Variants in IGFBP5 observed in about 807,000 individuals in gnomAD.
IGFBP5 encodes the protein insulin-like growth factor-binding protein 5.
A neutral mutation model predicts 28.0 loss-of-function variants in IGFBP5; 12 were observed. The ratio of observed to expected loss-of-function variants is 0.43; its 90% confidence interval spans 0.27 to 0.69. IGFBP5 has a LOEUF of 0.69. IGFBP5 is among the 30% of genes least tolerant of loss of function. The pLI is 0.20. For missense variants in IGFBP5, 344 were observed against 381.6 expected (o/e 0.90, Z 0.82); for synonymous variants, 152 against 150.2 (o/e 1.01, Z -0.09).
Position 216,680,411 on chromosome 2 carries a change from G to A in IGFBP5, c.338-1332C>T, listed in dbSNP as rs534738856. Among the ~76,000 whole-genome samples the A allele has an allele frequency of 4.7e-4, 71 of 152,312 alleles. 1 individual carries two copies. The highest frequency in any genetic ancestry group is 1.5e-3 in the African/African-American group (64 of 41,552). On this transcript the variant is annotated intron_variant, in intron 1 of 3. Coordinates refer to ENST00000233813, the MANE Select transcript of IGFBP5 (RefSeq NM_000599.4). ...TCCAGGAAGTGGGGGTGGGGTGCAAGGAAAGAGAAGCTTTTTTGAGAAGAC... is the reference window on the plus strand; with the variant it reads ...TCCAGGAAGTGGGGGTGGGGTGCAAAGAAAGAGAAGCTTTTTTGAGAAGAC...
Position 216,673,200 on chromosome 2 carries a change from G to A in IGFBP5, c.*3551C>T, listed in dbSNP as rs547887693. 6.5e-6 allele frequency: 1 copy of A among 152,800 alleles called. No individual in the cohort carries two copies. The highest frequency in any genetic ancestry group is 2.1e-4 in the South Asian group (1 of 4,834). 9.5% of individuals were successfully genotyped at this position (152,800 alleles called of 1,614,324 possible). ...TAACCGGTGCGTGGCGGGAGCAGGT[G>A]GTTGAGGCCCACCCTCTAGGGGAGG... On this transcript the variant is annotated 3_prime_UTR_variant, in exon 4 of 4. Transcript: ENST00000233813. This position sits in a 1 kb window ranked among gnomAD's most constrained non-coding sequence, Gnocchi z 4.3.
chr2:216,678,281 C>A, intron 2 of IGFBP5, 50 bp from the exon 3 acceptor site: 1 of 1,459,986 alleles, frequency 6.8e-7, no homozygotes, highest in South Asian at 1.5e-5. Flanking sequence ...GGAAAACCAC[C>A]CAGCTGCGCT....
At position 216,694,489 on chromosome 2, in the gene IGFBP5, C is replaced by T. The variant is rs1322850839; in HGVS notation, c.287G>A (p.Gly96Asp). The stretch of plus-strand genomic sequence containing the variant: ...CTTTTCGTTGAGGCAAACCCCGCGG[C>T]CGTGCAGCAGGGCGTGCAGCGGCTT... ...EEKPLHALLHGRGVCLNEKSY... is the reference protein window; with the variant it reads ...EEKPLHALLHDRGVCLNEKSY... Residue 96 changes from glycine (G) to aspartate (D), a missense_variant, in exon 1 of 4, where the codon GGC (glycine) becomes GAC (aspartate). Physicochemically the swap from Gly to Asp is moderately conservative, Grantham distance 94. Transcript: ENST00000233813. This position sits in a 1 kb window ranked among gnomAD's most constrained non-coding sequence, Gnocchi z 5.2. The T allele has an allele frequency of 7.5e-6, 12 of 1,589,578 alleles. No homozygotes were observed. Among genetic ancestry groups the T allele is most frequent in the Non-Finnish European group, 1.0e-5 (12 of 1,171,524 alleles).
At chr2:216,683,839 T>A (rs1689006991) in intron 1 of IGFBP5, among the ~76,000 whole-genome samples, 1 of 152,176 alleles carries the variant, frequency 6.6e-6, no homozygotes, top group African/African-American at 2.4e-5. Flanking sequence ...GGGATCTAAA[T>A]CTCTGGCTTC....
At position 216,694,560 on chromosome 2, in the gene IGFBP5, C is replaced by T. The variant is rs200046237; in HGVS notation, c.216G>A (p.Glu72=). Reference sequence around the variant, plus strand: ...GGCAGCGCAGCCCCTGGGCGCAGCGCTCGGTGTAGACGCCGCACGACTGCC... The same window carrying T: ...GGCAGCGCAGCCCCTGGGCGCAGCGTTCGGTGTAGACGCCGCACGACTGCC... ...AEGQSCGVYT[E]RCAQGLRCLP... is the part of the protein sequence containing the mutation. The change falls in exon 1 of 4, where the codon GAG becomes GAA. Residue 72 remains glutamate, a synonymous_variant. Coordinates refer to ENST00000233813, the MANE Select transcript of IGFBP5 (RefSeq NM_000599.4). The surrounding 1 kb of genome is among the most constrained non-coding windows in gnomAD (Gnocchi z 5.2). 2.6e-6 allele frequency: 4 copies of T among 1,565,326 alleles called. No individual in the cohort carries two copies. Among genetic ancestry groups the T allele is most frequent in the East Asian group, 4.7e-5 (2 of 42,888 alleles).
At chr2:216,677,735 GC>G (rs754886552) in intron 3 of IGFBP5, among the ~76,000 whole-genome samples, 6 of 152,192 alleles carry the variant, frequency 3.9e-5, no homozygotes, top group African/African-American at 7.2e-5. Flanking sequence ...CCAAAGGAGA[GC>G]CTGGCTGTGA....
At chr2:216,687,336 T>G (rs1480005734) in intron 1 of IGFBP5, among the ~76,000 whole-genome samples, 1 of 152,116 alleles carries the variant, frequency 6.6e-6, no homozygotes, top group African/African-American at 2.4e-5. Flanking sequence ...CCTGAAGATA[T>G]ATAGAGAAAA....
At chr2:216,689,411 T>C (rs1375293508) in intron 1 of IGFBP5, among the ~76,000 whole-genome samples, 2 of 152,118 alleles carry the variant, frequency 1.3e-5, no homozygotes, top group African/African-American at 2.4e-5. Context: ...GGGACAGAAG[T>C]GAGTGTGAAA....
intron 1 of IGFBP5, among the ~76,000 whole-genome samples, chr2:216,693,650 G>GA (rs1689128609): frequency 6.6e-6 from 1 of 152,120 alleles, no homozygotes; most frequent in Non-Finnish European, 1.5e-5. Flanking sequence ...ACCAGGCACA[G>GA]AATACCAAAC....
chr2:216,690,324 T>C (rs969779611), intron 1 of IGFBP5, among the ~76,000 whole-genome samples: 1 of 152,196 alleles, frequency 6.6e-6, no homozygotes, highest in African/African-American at 2.4e-5. Context: ...CTCTGGCCCC[T>C]GGTTGGTACC....
rs1412827727 is a variant in IGFBP5, at chr2:216,677,659, G to GGCCCAGCAGA, written c.687+452_687+453insTCTGCTGGGC. Among the ~76,000 whole-genome samples, 35 of 152,200 alleles carry GGCCCAGCAGA rather than the reference G, an allele frequency of 2.3e-4. 1 individual carries two copies. Among genetic ancestry groups the GGCCCAGCAGA allele is most frequent in the Non-Finnish European group, 2.9e-4 (20 of 68,042 alleles). The stretch of plus-strand genomic sequence containing the variant: ...GGTCTACCAATCAGAAACTGCAGGG[G>GGCCCAGCAGA]TGGGGCCCAGCCATCAGCCATGCCC... On this transcript the variant is annotated intron_variant, in intron 3 of 3. Coordinates refer to ENST00000233813, the MANE Select transcript of IGFBP5 (RefSeq NM_000599.4).
chr2:216,691,840 T>TGG (rs1253011416), intron 1 of IGFBP5, among the ~76,000 whole-genome samples: 2 of 24,258 alleles, frequency 8.2e-5, no homozygotes, highest in Non-Finnish European at 2.2e-4. Context: ...ATATGTCGTG[T>TGG]GTGTGTGTGT....
rs757874629 is a variant in IGFBP5 at position 216,679,689 on chromosome 2, C to A, written c.338-610G>T. Among the ~76,000 whole-genome samples, 2 of 152,124 alleles carry A rather than the reference C, an allele frequency of 1.3e-5. No individual in the cohort carries two copies. Among genetic ancestry groups the A allele is most frequent in the Admixed American group, 1.3e-4 (2 of 15,274 alleles). The stretch of plus-strand genomic sequence containing the variant: ...GTCTGGAGCAGCAGGGTGGTGAGGA[C>A]CTTCATAAGCGGCAGGAGGAGGGGA... On this transcript the variant is annotated intron_variant, in intron 1 of 3. Transcript: ENST00000233813. This position sits in a 1 kb window ranked among gnomAD's most constrained non-coding sequence, Gnocchi z 4.6.
rs1372295700 is a variant in IGFBP5, at chr2:216,673,023, T to A, written c.*3728A>T. 2 of 152,674 alleles carry A rather than the reference T, an allele frequency of 1.3e-5. No individual in the cohort carries two copies. The highest frequency in any genetic ancestry group is 2.9e-5 in the Non-Finnish European group (2 of 68,106). 9.5% of individuals were successfully genotyped at this position (152,674 alleles called of 1,614,324 possible). A position where few individuals can be genotyped will look rare whatever the true frequency, so the allele number is the denominator to read the frequency against. On this transcript the variant is annotated 3_prime_UTR_variant, in exon 4 of 4. Transcript: ENST00000233813. This position sits in a 1 kb window ranked among gnomAD's most constrained non-coding sequence, Gnocchi z 4.3. ...TCCTTTCTCTTGGAAGCCAGACATA[T>A]CCTCTCTGACGCTATGGGGTTTCTT...
chr2:216,686,589 C>T (rs1050299223), intron 1 of IGFBP5, among the ~76,000 whole-genome samples: 3 of 151,520 alleles, frequency 2.0e-5, no homozygotes, highest in African/African-American at 7.3e-5. Flanking sequence ...TGCACTCCAG[C>T]CTGGGTGACA....
In IGFBP5 at chr2:216,679,235, A is replaced by G. The variant is rs761580301; in HGVS notation, c.338-156T>C. The G allele has an allele frequency of 5.2e-5, 35 of 669,768 alleles. No individual in the cohort carries two copies. The South Asian group carries it at 5.5e-4, about 11-fold the overall frequency. The allele number at this position is 669,768 out of a possible 1,614,324, so 41.5% of individuals were successfully genotyped here. A position where few individuals can be genotyped will look rare whatever the true frequency, so the allele number is the denominator to read the frequency against. On this transcript the variant is annotated intron_variant, in intron 1 of 3. Coordinates refer to ENST00000233813, the MANE Select transcript of IGFBP5 (RefSeq NM_000599.4). This position sits in a 1 kb window ranked among gnomAD's most constrained non-coding sequence, Gnocchi z 4.6. ...ACACCCTGAAAGCAGGGGGATAAGA[A>G]CCAGGAAGCAGAGGGAATGCTCATT...
rs1027800252 is a variant in IGFBP5 at position 216,678,740 on chromosome 2, G to C, written c.567+110C>G. The C allele has an allele frequency of 1.0e-5, 9 of 865,816 alleles. No individual in the cohort carries two copies. The African/African-American group carries it at 1.2e-4, about 11-fold the overall frequency. The allele number at this position is 865,816 out of a possible 1,614,324, so 53.6% of individuals were successfully genotyped here. ...CCTAAGCTGAGCCACATGGTGGGCT[G>C]TAGGTCCTCTGCTGGGTCTAGTCTA... On this transcript the variant is annotated intron_variant, in intron 2 of 3. Transcript: ENST00000233813.
rs953412548 is a variant in IGFBP5 at position 216,675,991 on chromosome 2, A to G, written c.*760T>C. The G allele has an allele frequency of 6.6e-6, 1 of 152,608 alleles. No individual in the cohort carries two copies. The highest frequency in any genetic ancestry group is 2.4e-5 in the African/African-American group (1 of 41,440). The allele number at this position is 152,608 out of a possible 1,614,324, so 9.5% of individuals were successfully genotyped here. A position where few individuals can be genotyped will look rare whatever the true frequency, so the allele number is the denominator to read the frequency against. ...AAAATGTCTGCCTGGGGAATGAAAT[A>G]TGCACATGTATTTCATATTCACAGA... On this transcript the variant is annotated 3_prime_UTR_variant, in exon 4 of 4. Coordinates refer to ENST00000233813, the MANE Select transcript of IGFBP5 (RefSeq NM_000599.4).
rs908537408 is a variant in IGFBP5 at position 216,690,235 on chromosome 2, G to C, written c.337+4204C>G. The stretch of plus-strand genomic sequence containing the variant: ...CTTTTGGACCAACTGTAGAGAAAAA[G>C]CAAATGTAAAACTAAACAAACCCCT... On this transcript the variant is annotated intron_variant, in intron 1 of 3. Coordinates refer to ENST00000233813, the MANE Select transcript of IGFBP5 (RefSeq NM_000599.4). Among the ~76,000 whole-genome samples the C allele has an allele frequency of 6.3e-4, 96 of 152,304 alleles. 1 individual carries two copies. Among genetic ancestry groups the C allele is most frequent in the Non-Finnish European group, 9.3e-4 (63 of 68,028 alleles).
Sources: gnomAD v4.1 joint callset for allele counts (sites outside exome capture counted in the v4.1 genomes callset) on GRCh38, gnomAD v4.1.1 for gene constraint, Gnocchi (gnomAD v3.1) non-coding constraint, MANE v1.5 for transcripts, NCBI Gene and HGNC (gene_info 2026-07-23, HGNC 2026-07-21) for gene names.